Variants in POLR3B observed in about 807,000 individuals in gnomAD.
The protein encoded by POLR3B is DNA-directed RNA polymerase III subunit RPC2.
Under a neutral mutation model 147.4 loss-of-function variants are expected in POLR3B, and 96 were observed. The observed-to-expected ratio is 0.65, with a 90% confidence interval of 0.55 to 0.77. The LOEUF (loss-of-function observed/expected upper bound fraction) is 0.77. POLR3B is among the 30% of genes least tolerant of loss of function. POLR3B has a pLI of 0.00. For synonymous variants in POLR3B, 461 were observed against 485.9 expected, an observed-to-expected ratio of 0.95 and a Z score of 0.67; for missense variants, 1,036 against 1,413.5, an observed-to-expected ratio of 0.73 and a Z score of 4.28.
rs559127911 is a variant in POLR3B, at chr12:106,479,429, G to A, written c.2713+15809G>A. 2.4e-3 allele frequency among the ~76,000 whole-genome samples: 362 copies of A among 150,340 alleles called. 2 individuals are homozygous for A. The highest frequency in any genetic ancestry group is 8.2e-3 in the African/African-American group (336 of 40,854). On this transcript the variant is annotated intron_variant, in intron 23 of 27. Coordinates refer to ENST00000228347, the MANE Select transcript of POLR3B (RefSeq NM_018082.6). ...AGAGTCTTGCTGTGTCGCCCGGGCT[G>A]GAGTGCAGTGGCGCAATCTTGGCTC...
chr12:106,414,104 GCCAT>G (rs66512835), intron 12 of POLR3B, among the ~76,000 whole-genome samples: 38,051 of 149,100 alleles, frequency 0.26, 5,447 homozygotes, highest in African/African-American at 0.39. Context: ...AATCTAATAT[GCCAT>G]TAATTATCAG....
chr12:106,358,101 T>A, intron 1 of POLR3B, 150 bp downstream of exon 1: 1 of 1,513,782 alleles, frequency 6.6e-7, no homozygotes, highest in Admixed American at 2.1e-5. Context: ...CGCTTGCGAG[T>A]CTTTTTTCCA....
chr12:106,426,729 G>A (rs2037442156), intron 12 of POLR3B, among the ~76,000 whole-genome samples: 1 of 151,068 alleles, frequency 6.6e-6, no homozygotes, highest in Non-Finnish European at 1.5e-5. Context: ...GGGATGGGTA[G>A]ATAATGGCAA....
chr12:106,479,660 G>C (rs2038236405), intron 23 of POLR3B, among the ~76,000 whole-genome samples: 1 of 152,120 alleles, frequency 6.6e-6, no homozygotes, highest in African/African-American at 2.4e-5. Context: ...TGGGATTACA[G>C]GCGTGAGCCA....
At chr12:106,489,325 C>G (rs781482656) in intron 23 of POLR3B, among the ~76,000 whole-genome samples, 2 of 152,144 alleles carry the variant, frequency 1.3e-5, no homozygotes, top group African/African-American at 2.4e-5. Context: ...ATAGTTTTTT[C>G]ACTTAATGGT....
At position 106,427,376 on chromosome 12, in the gene POLR3B, CTT is replaced by C; in HGVS notation, c.1263+21_1263+22del. 6.2e-7 allele frequency: 1 copy of C among 1,607,482 alleles called. No homozygotes were observed. Among genetic ancestry groups the C allele is most frequent in the Non-Finnish European group, 8.5e-7 (1 of 1,174,244 alleles). ...TTTCTACCGTAAGTCTTCAGTCACT[CTT>C]TTAGGATTTTGTAATTTATTTGTAA... On this transcript the variant is annotated intron_variant, in intron 13 of 27. Transcript: ENST00000228347.
At chr12:106,502,033 A>G (rs1433953071) in intron 26 of POLR3B, among the ~76,000 whole-genome samples, 4 of 152,198 alleles carry the variant, frequency 2.6e-5, no homozygotes, top group Non-Finnish European at 4.4e-5. Flanking sequence ...TAAGTTTCAC[A>G]TGTTCTTAGT....
chr12:106,361,818 G>A (rs2036472985), intron 1 of POLR3B, among the ~76,000 whole-genome samples: 1 of 152,206 alleles, frequency 6.6e-6, no homozygotes, highest in South Asian at 2.1e-4. Context: ...CCGGCCGGAG[G>A]AAGGAAAGAC....
In POLR3B at chr12:106,430,192, G is replaced by T. The variant is rs2037488779; in HGVS notation, c.1264-81G>T. 2.4e-5 allele frequency: 24 copies of T among 995,626 alleles called. No individual in the cohort carries two copies. The South Asian group carries it at 3.1e-4, about 13-fold the overall frequency. 61.7% of individuals were successfully genotyped at this position (995,626 alleles called of 1,614,324 possible). On this transcript the variant is annotated intron_variant, in intron 13 of 27. Coordinates refer to ENST00000228347, the MANE Select transcript of POLR3B (RefSeq NM_018082.6). ...TTCGTAAGCATGAAGCTCCTGTAAT[G>T]AACTTCTTGGAGTGACCGCACGGTA...
rs369730210 is a variant in POLR3B, at chr12:106,501,410, C to T, written c.3072C>T (p.Ala1024=). The T allele has an allele frequency of 6.2e-7, 1 of 1,612,334 alleles. No homozygotes were observed. Among genetic ancestry groups the T allele is most frequent in the Non-Finnish European group, 8.5e-7 (1 of 1,178,504 alleles). The change falls in exon 26 of 28, where the codon GCC becomes GCT. Residue 1024 remains alanine (A), a synonymous_variant. Coordinates refer to ENST00000228347, the MANE Select transcript of POLR3B (RefSeq NM_018082.6). ...TGCTAGATAAAATGCATGCCCGGGCCCGGGGCCCACGAGCCGTCCTTACCA... is the reference window on the plus strand; with the variant it reads ...TGCTAGATAAAATGCATGCCCGGGCTCGGGGCCCACGAGCCGTCCTTACCA... ...HMVLDKMHAR[A]RGPRAVLTRQ...
chr12:106,480,013 C>CT (rs1463072660), intron 23 of POLR3B, among the ~76,000 whole-genome samples: 1 of 142,838 alleles, frequency 7.0e-6, no homozygotes, highest in Non-Finnish European at 1.5e-5. Context: ...TTTTTTTTGG[C>CT]TTTTTTTATT....
intron 12 of POLR3B, 88 bp from the exon 13 acceptor site, chr12:106,427,109 T>C: frequency 1.1e-6 from 1 of 904,400 alleles, no homozygotes; most frequent in African/African-American, 1.7e-5. Flanking sequence ...CCATCTTATT[T>C]TTTAAAAATC....
At chr12:106,371,000 G>A (rs1200955983) in intron 6 of POLR3B, among the ~76,000 whole-genome samples, 2 of 151,960 alleles carry the variant, frequency 1.3e-5, no homozygotes, top group Non-Finnish European at 2.9e-5. Flanking sequence ...GTTAAATTTT[G>A]GACCATAGCT....
At chr12:106,370,955 C>A (rs1037874146) in intron 6 of POLR3B, among the ~76,000 whole-genome samples, 14 of 152,042 alleles carry the variant, frequency 9.2e-5, no homozygotes, top group African/African-American at 2.9e-4. Context: ...GTGAGAACTT[C>A]TTTCTTTCTT....
chr12:106,382,881 T>G lies in POLR3B; in HGVS notation c.723+2742T>G, dbSNP rs79138617. Among the ~76,000 whole-genome samples the G allele has an allele frequency of 6.8e-3, 1,041 of 152,348 alleles. 18 individuals carry two copies. Among genetic ancestry groups the G allele is most frequent in the African/African-American group, 0.024 (1,001 of 41,576 alleles). Reference sequence around the variant, plus strand: ...TCCTTTGAAGCTTTGAAGCCAGGCATTGACTTCTCCAGCTGTCAAAGTCCT... The same window carrying G: ...TCCTTTGAAGCTTTGAAGCCAGGCAGTGACTTCTCCAGCTGTCAAAGTCCT... On this transcript the variant is annotated intron_variant, in intron 9 of 27. Transcript: ENST00000228347.
chr12:106,383,284 TTCTTA>T (rs1210739235), intron 9 of POLR3B, among the ~76,000 whole-genome samples: 1 of 152,194 alleles, frequency 6.6e-6, no homozygotes, highest in Non-Finnish European at 1.5e-5. Context: ...CTGTTTCACT[TTCTTA>T]TCATGTATAT....
At position 106,454,576 on chromosome 12, in the gene POLR3B, G is replaced by A. The variant is rs761026189; in HGVS notation, c.2158G>A (p.Val720Ile). ...ACTAGCATATCCACAAAAACCCATG[G>A]TTAAGACAAAAACCATTGAATTGAT... is the stretch of plus-strand genomic sequence containing the variant. ...YLLAYPQKPMVKTKTIELIEF... is the reference protein window; with the variant it reads ...YLLAYPQKPMIKTKTIELIEF... The change falls in exon 20 of 28, where the codon GTT (valine) becomes ATT (isoleucine). Residue 720 changes from valine to isoleucine, a missense_variant. Coordinates refer to ENST00000228347, the MANE Select transcript of POLR3B (RefSeq NM_018082.6). 32 of 1,610,428 alleles carry A rather than the reference G, an allele frequency of 2.0e-5. No individual in the cohort carries two copies. In the Admixed American group the frequency reaches 5.3e-4, roughly 27 times the overall value.
At chr12:106,398,952 C>T (rs562973217) in intron 10 of POLR3B, among the ~76,000 whole-genome samples, 3 of 152,274 alleles carry the variant, frequency 2.0e-5, no homozygotes, top group Admixed American at 6.5e-5. Flanking sequence ...GAACGCAGCT[C>T]CTCACCAGCA....
At chr12:106,410,776 A>C in intron 11 of POLR3B, 50 bp from the exon 12 acceptor site, 1 of 1,540,120 alleles carries the variant, frequency 6.5e-7, no homozygotes, top group East Asian at 2.3e-5. Flanking sequence ...AGGTACGTTA[A>C]ATTTTAATGT....
Sources: gnomAD v4.1 joint callset for allele counts (sites outside exome capture counted in the v4.1 genomes callset) on GRCh38, gnomAD v4.1.1 for gene constraint, MANE v1.5 for transcripts, NCBI Gene and HGNC (gene_info 2026-07-23, HGNC 2026-07-21) for gene names.